Variants in CAPZB observed in about 807,000 individuals in gnomAD.
CAPZB encodes the protein F-actin-capping protein subunit beta.
In CAPZB, 2 loss-of-function variants were observed where a neutral mutation model predicts 38.1. The ratio of observed to expected loss-of-function variants is 0.05; its 90% CI spans 0.02 to 0.17. CAPZB has a LOEUF of 0.17. Among genes scored for constraint, CAPZB ranks in the 10% least tolerant of loss-of-function variants. The probability of loss-of-function intolerance (pLI) is 1.00; values close to 1 mark genes in which losing one functional copy is unlikely to be tolerated. For missense variants in CAPZB, 161 were observed against 334.2 expected (o/e 0.48, Z 4.04); for synonymous variants, 107 against 127.4 (o/e 0.84, Z 1.08).
intron 8 of CAPZB, 81 bp from the exon 9 acceptor site, chr1:19,339,698 G>A: frequency 9.2e-7 from 1 of 1,082,926 alleles, no homozygotes; most frequent in South Asian, 1.2e-5. Flanking sequence ...CCATGCCAGT[G>A]CCTGGCTGAT....
At chr1:19,416,951 G>A (rs1260499685) in intron 2 of CAPZB, among the ~76,000 whole-genome samples, 1 of 150,114 alleles carries the variant, frequency 6.7e-6, no homozygotes, top group East Asian at 2.0e-4. Context: ...GGTAGATACG[G>A]CCTGGCACTT....
intron 2 of CAPZB, among the ~76,000 whole-genome samples, chr1:19,415,188 C>T (rs950345622): frequency 3.3e-5 from 5 of 152,230 alleles, no homozygotes; most frequent in South Asian, 2.1e-4. Context: ...CTAACATTCT[C>T]GTCCATCTTA....
intron 1 of CAPZB, chr1:19,484,508 T>G (rs949918058): frequency 2.2e-6 from 3 of 1,364,102 alleles, no homozygotes; most frequent in Admixed American, 2.9e-5. Flanking sequence ...CGCTGCCTTC[T>G]GGGCACACCG....
intron 4 of CAPZB, among the ~76,000 whole-genome samples, chr1:19,377,306 A>G (rs2094149268): frequency 6.6e-6 from 1 of 152,222 alleles, no homozygotes; most frequent in Non-Finnish European, 1.5e-5. Context: ...GTGAAAATCA[A>G]CAATTTGTGG....
chr1:19,393,799 C>T (rs761638197), intron 2 of CAPZB, among the ~76,000 whole-genome samples: 4 of 152,242 alleles, frequency 2.6e-5, no homozygotes, highest in Admixed American at 6.5e-5. Context: ...CAGCCCACAG[C>T]CCACAGCAGA....
Position 19,484,293 on chromosome 1 carries a change from T to C in CAPZB, c.3+1143A>G, listed in dbSNP as rs748385991. ...GCTTGGGTGCATCGTGTCCAGGCCA[T>C]ATGCTGGATCCAGGGCCTGGTGGCC... On this transcript the variant is annotated intron_variant, in intron 1 of 8. Transcript: ENST00000264202. The C allele has an allele frequency of 4.4e-6, 7 of 1,609,052 alleles. No homozygotes were observed. The East Asian group carries it at 1.1e-4, about 26-fold the overall frequency.
rs1164798935 is a variant in CAPZB at position 19,357,055 on chromosome 1, C to T, written c.472-304G>A. ...GTTTTTTGTGTTTTTGGTAGAGATG[C>T]GGTTTCGCCATATTGGCCAGGCTGG... On this transcript the variant is annotated intron_variant, in intron 5 of 8. Coordinates refer to ENST00000264202, the MANE Select transcript of CAPZB (RefSeq NM_004930.5). This position sits in a 1 kb window ranked among gnomAD's most constrained non-coding sequence, Gnocchi z 4.3. 2.0e-5 allele frequency among the ~76,000 whole-genome samples: 3 copies of T among 151,948 alleles called. No homozygotes were observed. Among genetic ancestry groups the T allele is most frequent in the Admixed American group, 1.3e-4 (2 of 15,236 alleles).
intron 3 of CAPZB, among the ~76,000 whole-genome samples, chr1:19,379,390 C>T (rs11588276): frequency 0.082 from 12,436 of 152,220 alleles, 937 homozygotes; most frequent in African/African-American, 0.2. Flanking sequence ...TGAGCCACCG[C>T]GCCTGGCCAT....
chr1:19,357,358 C>G lies in CAPZB; in HGVS notation c.471+64G>C. 1 of 1,462,856 alleles carries G rather than the reference C, an allele frequency of 6.8e-7. No homozygotes were observed. Among genetic ancestry groups the G allele is most frequent in the Non-Finnish European group, 9.6e-7 (1 of 1,046,856 alleles). 90.6% of individuals were successfully genotyped at this position (1,462,856 alleles called of 1,614,324 possible). A position where few individuals can be genotyped will look rare whatever the true frequency, so the allele number is the denominator to read the frequency against. On this transcript the variant is annotated intron_variant, in intron 5 of 8. Coordinates refer to ENST00000264202, the MANE Select transcript of CAPZB (RefSeq NM_004930.5). The surrounding 1 kb of genome is among the most constrained non-coding windows in gnomAD (Gnocchi z 4.3). ...CTACTGCATCTGTTAGAGAGCAGCG[C>G]GGCACTGGTTGGTGTGCCATCTGTA... is the stretch of plus-strand genomic sequence containing the variant.
intron 2 of CAPZB, among the ~76,000 whole-genome samples, chr1:19,408,247 C>G (rs931607221): frequency 6.6e-6 from 1 of 152,238 alleles, no homozygotes; most frequent in Non-Finnish European, 1.5e-5. Flanking sequence ...GTGAGCCAAT[C>G]GGCCCTAGGA....
At chr1:19,456,221 C>T (rs1022402046) in intron 1 of CAPZB, among the ~76,000 whole-genome samples, 1 of 152,132 alleles carries the variant, frequency 6.6e-6, no homozygotes, top group Non-Finnish European at 1.5e-5. Context: ...CCACAAGGCT[C>T]ATAATTTTAA....
chr1:19,452,691 C>T (rs1014469702), intron 1 of CAPZB, among the ~76,000 whole-genome samples: 4 of 152,108 alleles, frequency 2.6e-5, no homozygotes, highest in African/African-American at 9.7e-5. Flanking sequence ...AGAAACTCCC[C>T]ATCTGTTCCT....
intron 2 of CAPZB, among the ~76,000 whole-genome samples, chr1:19,389,522 G>C (rs922895840): frequency 1.1e-4 from 17 of 152,154 alleles, no homozygotes; most frequent in Admixed American, 1.1e-3. Flanking sequence ...CCGCCTCCCA[G>C]GTTCATGCCA....
chr1:19,346,787 T>A (rs1299516321), intron 6 of CAPZB, among the ~76,000 whole-genome samples: 1 of 147,804 alleles, frequency 6.8e-6, no homozygotes, highest in African/African-American at 2.5e-5. Flanking sequence ...TCCTTGACAC[T>A]GGGGGCGGCA....
At chr1:19,391,351 G>A (rs981174912) in intron 2 of CAPZB, among the ~76,000 whole-genome samples, 4 of 152,130 alleles carry the variant, frequency 2.6e-5, no homozygotes, top group African/African-American at 4.8e-5. Context: ...CTTGTACCTC[G>A]GTTTTTTAAA....
At chr1:19,416,955 G>A (rs183380883) in intron 2 of CAPZB, among the ~76,000 whole-genome samples, 7 of 150,930 alleles carry the variant, frequency 4.6e-5, no homozygotes, top group Non-Finnish European at 8.8e-5. Context: ...GATACGGCCT[G>A]GCACTTCAAC....
At chr1:19,344,502 C>T in intron 7 of CAPZB, 68 bp from the exon 8 acceptor site, 1 of 1,191,566 alleles carries the variant, frequency 8.4e-7, no homozygotes, top group Non-Finnish European at 1.3e-6. Flanking sequence ...CCTCCCTCCA[C>T]CTGCCAGCCC....
intron 1 of CAPZB, among the ~76,000 whole-genome samples, chr1:19,451,117 G>A (rs942643844): frequency 7.9e-5 from 12 of 152,170 alleles, no homozygotes; most frequent in African/African-American, 2.2e-4. Flanking sequence ...GCCATGTTAA[G>A]GGGTTGTTAT....
chr1:19,480,168 C>T (rs77902454), intron 1 of CAPZB, among the ~76,000 whole-genome samples: 2,636 of 152,188 alleles, frequency 0.017, 39 homozygotes, highest in Middle Eastern at 0.037. Flanking sequence ...GCTTTTTGGA[C>T]GCATCTTGCC....
Sources: allele counts gnomAD v4.1 joint callset (sites outside exome capture counted in the v4.1 genomes callset), GRCh38; gene constraint gnomAD v4.1.1; non-coding constraint Gnocchi (gnomAD v3.1); transcripts MANE v1.5; gene names NCBI Gene and HGNC (gene_info 2026-07-23, HGNC 2026-07-21).